Variants in NFIB observed in about 807,000 individuals in gnomAD.
NFIB encodes nuclear factor 1 B-type.
Under a neutral mutation model 61.5 loss-of-function variants are expected in NFIB, and 11 were observed. That is an observed-to-expected ratio of 0.18 (90% confidence interval 0.11 to 0.30). NFIB has a LOEUF of 0.30. NFIB is among the 10% of genes least tolerant of loss of function. The probability of loss-of-function intolerance (pLI) is 1.00; values close to 1 mark genes in which losing one functional copy is unlikely to be tolerated. For missense variants in NFIB, 471 were observed against 608.9 expected, an observed-to-expected ratio of 0.77 and a Z score of 2.38; for synonymous variants, 260 against 216.5, an observed-to-expected ratio of 1.20 and a Z score of -1.76.
chr9:14,324,409 C>T (rs918192427), intron 1 of NFIB, among the ~76,000 whole-genome samples: 3 of 152,136 alleles, frequency 2.0e-5, no homozygotes, highest in African/African-American at 7.2e-5. Flanking sequence ...GTAACACTTG[C>T]ATGGGCAGTG....
chr9:14,365,842 A>T (rs2061293620), intron 1 of NFIB, among the ~76,000 whole-genome samples: 1 of 152,136 alleles, frequency 6.6e-6, no homozygotes, highest in Non-Finnish European at 1.5e-5. Flanking sequence ...CTAACGTGAG[A>T]CCAAAAACTA....
the NFIB span, among the ~76,000 whole-genome samples, chr9:14,434,188 A>G: frequency 6.6e-6 from 1 of 152,258 alleles, no homozygotes; most frequent in African/African-American, 2.4e-5. Flanking sequence ...CCTTGAAAAT[A>G]AAATGAGCAT....
intron 1 of NFIB, among the ~76,000 whole-genome samples, chr9:14,351,449 C>T (rs2061111670): frequency 6.6e-6 from 1 of 152,144 alleles, no homozygotes; most frequent in Admixed American, 6.5e-5. Context: ...TGAATCACAC[C>T]CCTTCTGCCT....
the NFIB span, among the ~76,000 whole-genome samples, chr9:14,490,685 A>T: frequency 2.6e-5 from 4 of 152,210 alleles, no homozygotes; most frequent in Non-Finnish European, 5.9e-5. Context: ...GGTTGAATAT[A>T]CATAGGGAAG....
chr9:14,360,782 C>G (rs1473693537), intron 1 of NFIB, among the ~76,000 whole-genome samples: 1 of 152,008 alleles, frequency 6.6e-6, no homozygotes, highest in Non-Finnish European at 1.5e-5. Context: ...CTGACCTCGT[C>G]ATCCGCCCGC....
upstream of NFIB, among the ~76,000 whole-genome samples, chr9:14,315,676 T>G (rs1232996201): frequency 2.0e-5 from 3 of 147,776 alleles, no homozygotes; most frequent in African/African-American, 7.4e-5. Context: ...AGGCTCCGAG[T>G]GAATGAACTT....
intron 1 of NFIB, among the ~76,000 whole-genome samples, chr9:14,378,640 C>T (rs561070844): frequency 4.6e-5 from 7 of 152,368 alleles, no homozygotes; most frequent in African/African-American, 1.7e-4. Flanking sequence ...CAGGCGTGAG[C>T]CACCACACCC....
the NFIB span, among the ~76,000 whole-genome samples, chr9:14,406,501 T>C: frequency 6.6e-6 from 1 of 152,126 alleles, no homozygotes; most frequent in Non-Finnish European, 1.5e-5. Context: ...GAGTAGACAG[T>C]GCTTTGAGTT....
chr9:14,223,282 G>A (rs542673194), intron 2 of NFIB, among the ~76,000 whole-genome samples: 5 of 152,258 alleles, frequency 3.3e-5, no homozygotes, highest in African/African-American at 4.8e-5. Context: ...TATGATTCCC[G>A]CAGGTCACTG....
chr9:14,469,992 T>C, the NFIB span, among the ~76,000 whole-genome samples: 1 of 152,222 alleles, frequency 6.6e-6, no homozygotes, highest in Admixed American at 6.5e-5. Context: ...AAAGAACTAT[T>C]GCAGAGATTC....
intron 2 of NFIB, among the ~76,000 whole-genome samples, chr9:14,209,311 A>G: frequency 6.6e-6 from 1 of 152,200 alleles, no homozygotes; most frequent in East Asian, 1.9e-4. Context: ...TGGAAGGAAA[A>G]GGATCACAAT....
At position 14,313,054 on chromosome 9, in the gene NFIB, C is replaced by T. The variant is rs1167842378; in HGVS notation, c.30+428G>A. 6.6e-6 allele frequency among the ~76,000 whole-genome samples: 1 copy of T among 152,236 alleles called. No homozygotes were observed. The highest frequency in any genetic ancestry group is 2.4e-5 in the African/African-American group (1 of 41,470). On this transcript the variant is annotated intron_variant, in intron 1 of 10. Coordinates refer to ENST00000380953, the MANE Select transcript of NFIB (RefSeq NM_001190737.2). This position sits in a 1 kb window ranked among gnomAD's most constrained non-coding sequence, Gnocchi z 4.5. ...GTGCTACAGTCCCCTCGCCCAAGTT[C>T]ACTGGCTGTTTTTAAAAGCTTAGTC...
At chr9:14,458,704 G>C in the NFIB span, among the ~76,000 whole-genome samples, 22 of 152,086 alleles carry the variant, frequency 1.4e-4, no homozygotes, top group South Asian at 4.1e-4. Flanking sequence ...AAAATCACAA[G>C]CATTCTTATA....
the NFIB span, among the ~76,000 whole-genome samples, chr9:14,417,774 GTTTTTT>G: frequency 1.1e-5 from 1 of 91,784 alleles, no homozygotes; most frequent in South Asian, 4.1e-4. Flanking sequence ...CCTAGGAACA[GTTTTTT>G]TTTTTTTTTT....
intron 2 of NFIB, among the ~76,000 whole-genome samples, chr9:14,234,608 C>T (rs896520262): frequency 1.3e-4 from 20 of 151,936 alleles, no homozygotes; most frequent in African/African-American, 4.6e-4. Flanking sequence ...GACCTCTGCC[C>T]ACCTCGGCCT....
intron 2 of NFIB, among the ~76,000 whole-genome samples, chr9:14,242,635 T>C (rs1487948315): frequency 1.3e-5 from 2 of 152,258 alleles, no homozygotes; most frequent in African/African-American, 4.8e-5. Flanking sequence ...TGACAGATGC[T>C]GGCTTAAAGA....
chr9:14,108,376 A>T (rs940064424), intron 10 of NFIB, among the ~76,000 whole-genome samples: 1 of 152,118 alleles, frequency 6.6e-6, no homozygotes, highest in Non-Finnish European at 1.5e-5. Flanking sequence ...GACAAATATT[A>T]TAAGAAGATT....
chr9:14,418,183 T>C, the NFIB span, among the ~76,000 whole-genome samples: 4 of 152,196 alleles, frequency 2.6e-5, no homozygotes, highest in Admixed American at 6.5e-5. Context: ...AACTTCAATT[T>C]CTTTATTCAC....
chr9:14,098,568 A>AC (rs1224466552), intron 10 of NFIB, among the ~76,000 whole-genome samples: 4 of 152,180 alleles, frequency 2.6e-5, no homozygotes, highest in African/African-American at 9.7e-5. Flanking sequence ...TGTCCACATA[A>AC]CTCACATATG....
Sources: allele counts gnomAD v4.1 joint callset (sites outside exome capture counted in the v4.1 genomes callset), GRCh38; gene constraint gnomAD v4.1.1; non-coding constraint Gnocchi (gnomAD v3.1); transcripts MANE v1.5; gene names NCBI Gene and HGNC (gene_info 2026-07-23, HGNC 2026-07-21).